The following ZNF385D variants were observed in gnomAD, a reference collection of about 807,000 sequenced individuals.
ZNF385D encodes zinc finger protein 385D.
A neutral mutation model predicts 35.8 loss-of-function variants in ZNF385D; 15 were observed. That is an observed-to-expected ratio of 0.42 (90% confidence interval 0.28 to 0.64). The LOEUF is 0.64. Ranked by LOEUF, ZNF385D falls within the 30% of genes least tolerant of loss-of-function variation. The pLI, the probability that ZNF385D is intolerant of heterozygous loss-of-function variation, is 0.23. For missense variants in ZNF385D, 474 were observed against 494.6 expected (o/e 0.96, Z 0.39); for synonymous variants, 212 against 186.8 (o/e 1.13, Z -1.10).
chr3:21,771,763 A>G (rs962991473), intron 3 of ZNF385D, among the ~76,000 whole-genome samples: 4 of 151,966 alleles, frequency 2.6e-5, no homozygotes, highest in African/African-American at 9.7e-5. Flanking sequence ...AAGTAAGACC[A>G]TAAATAGCAA....
chr3:22,168,750 T>A (rs1476432164), intron 3 of ZNF385D: 2 of 891,064 alleles, frequency 2.2e-6, no homozygotes, highest in Non-Finnish European at 2.7e-6. Flanking sequence ...TATCCTCACA[T>A]CTGCAGGTAC....
chr3:22,237,850 G>C (rs912822800), intron 2 of ZNF385D, among the ~76,000 whole-genome samples: 1 of 142,738 alleles, frequency 7.0e-6, no homozygotes, highest in Non-Finnish European at 1.5e-5. Context: ...CACCACATTC[G>C]CCATGATGGT....
At chr3:22,030,865 G>A (rs550911811) in intron 3 of ZNF385D, among the ~76,000 whole-genome samples, 1 of 152,142 alleles carries the variant, frequency 6.6e-6, no homozygotes, top group African/African-American at 2.4e-5. Flanking sequence ...TCAAAAACAA[G>A]TTAGTTATTT....
chr3:22,050,768 T>C lies in ZNF385D; in HGVS notation c.325+118049A>G, dbSNP rs144703380. ...TGTGTATTATGTATTTGTTTAAAAA[T>C]TGTATATTTATATTAAATAAACTAA... On this transcript the variant is annotated intron_variant, in intron 3 of 5. Transcript: ENST00000494108. 3.2e-3 allele frequency among the ~76,000 whole-genome samples: 485 copies of C among 152,336 alleles called. 1 individual carries two copies. Among genetic ancestry groups the C allele is most frequent in the Non-Finnish European group, 5.5e-3 (371 of 68,036 alleles).
At chr3:22,117,108 C>A (rs1173313734) in intron 3 of ZNF385D, among the ~76,000 whole-genome samples, 1 of 151,950 alleles carries the variant, frequency 6.6e-6, no homozygotes, top group Non-Finnish European at 1.5e-5. Flanking sequence ...TTTAGGAGTT[C>A]CCACTGGTGA....
chr3:21,746,023 T>C (rs1363798526), intron 1 of ZNF385D, among the ~76,000 whole-genome samples: 1 of 152,174 alleles, frequency 6.6e-6, no homozygotes, highest in African/African-American at 2.4e-5. Context: ...ATATTAAGTC[T>C]ATATATATAA....
At chr3:21,963,947 T>A (rs910744072) in intron 3 of ZNF385D, among the ~76,000 whole-genome samples, 2 of 152,172 alleles carry the variant, frequency 1.3e-5, no homozygotes, top group Non-Finnish European at 2.9e-5. Context: ...TATTTTATGT[T>A]AGATATTATT....
chr3:22,087,101 A>G (rs1361470383), intron 3 of ZNF385D, among the ~76,000 whole-genome samples: 27 of 152,198 alleles, frequency 1.8e-4, no homozygotes, highest in Non-Finnish European at 3.4e-4. Context: ...GAATTTTCTG[A>G]TCGGAGCATG....
At chr3:21,588,115 A>G (rs1186751727) in intron 2 of ZNF385D, among the ~76,000 whole-genome samples, 2 of 152,116 alleles carry the variant, frequency 1.3e-5, no homozygotes, top group African/African-American at 4.8e-5. Flanking sequence ...GGGGATGACA[A>G]ATGTATGTAG....
intron 3 of ZNF385D, among the ~76,000 whole-genome samples, chr3:22,081,429 A>G (rs1700745140): frequency 6.6e-6 from 1 of 152,210 alleles, no homozygotes; most frequent in Non-Finnish European, 1.5e-5. Context: ...AAACACACAT[A>G]TACTGTAAGC....
intron 4 of ZNF385D, among the ~76,000 whole-genome samples, chr3:21,457,690 T>C (rs1301160878): frequency 2.0e-5 from 3 of 152,128 alleles, no homozygotes; most frequent in African/African-American, 7.2e-5. Flanking sequence ...TATTACATGA[T>C]TTCCAACAGC....
intron 3 of ZNF385D, among the ~76,000 whole-genome samples, chr3:22,093,434 A>G (rs2125606999): frequency 6.6e-6 from 1 of 151,926 alleles, no homozygotes; most frequent in East Asian, 1.9e-4. Context: ...TTAATTTAAA[A>G]AAGTTAAAGG....
intron 3 of ZNF385D, among the ~76,000 whole-genome samples, chr3:22,154,640 A>G (rs1338358618): frequency 6.6e-6 from 1 of 152,104 alleles, no homozygotes; most frequent in African/African-American, 2.4e-5. Flanking sequence ...AATCTCTTTA[A>G]TGTACATACC....
At chr3:21,991,370 C>T (rs1695135063) in intron 3 of ZNF385D, among the ~76,000 whole-genome samples, 1 of 152,192 alleles carries the variant, frequency 6.6e-6, no homozygotes, top group Non-Finnish European at 1.5e-5. Context: ...TCTATAGCCA[C>T]ATGCCACCAC....
chr3:21,916,306 T>C (rs1700190921), intron 3 of ZNF385D, among the ~76,000 whole-genome samples: 1 of 152,192 alleles, frequency 6.6e-6, no homozygotes, highest in Admixed American at 6.5e-5. Flanking sequence ...TTTTTTCTGG[T>C]ATTTGAATCT....
chr3:21,689,976 G>A (rs1291900649), intron 1 of ZNF385D, among the ~76,000 whole-genome samples: 1 of 151,522 alleles, frequency 6.6e-6, no homozygotes. Flanking sequence ...ATGAGTGCAA[G>A]TGAAACACTA....
At chr3:22,140,627 A>G (rs1429390468) in intron 3 of ZNF385D, among the ~76,000 whole-genome samples, 1 of 152,218 alleles carries the variant, frequency 6.6e-6, no homozygotes, top group African/African-American at 2.4e-5. Flanking sequence ...ATGGTTTTAT[A>G]AGGTTAACAT....
At chr3:21,895,671 C>G (rs571399363) in intron 3 of ZNF385D, among the ~76,000 whole-genome samples, 1 of 151,904 alleles carries the variant, frequency 6.6e-6, no homozygotes, top group Non-Finnish European at 1.5e-5. Context: ...TGAAAGATTT[C>G]CCTTTGGGGA....
chr3:21,910,558 G>A (rs942603060), intron 3 of ZNF385D, among the ~76,000 whole-genome samples: 6 of 151,804 alleles, frequency 4.0e-5, no homozygotes, highest in African/African-American at 7.2e-5. Context: ...CTGCTCTAAT[G>A]AGCCAAAAGC....
Sources: allele counts gnomAD v4.1 joint callset (sites outside exome capture counted in the v4.1 genomes callset), GRCh38; gene constraint gnomAD v4.1.1; transcripts MANE v1.5; gene names NCBI Gene and HGNC (gene_info 2026-07-23, HGNC 2026-07-21).